PDE1C: variants seen among roughly 807,000 people sequenced by gnomAD.
PDE1C encodes the protein phosphodiesterase 1C, also known as dual specificity calcium/calmodulin-dependent 3',5'-cyclic nucleotide phosphodiesterase 1C.
PDE1C carries 62 observed loss-of-function variants against 93.1 expected under a neutral mutation model. The ratio of observed to expected loss-of-function variants is 0.67; its 90% CI spans 0.54 to 0.82. PDE1C has a LOEUF of 0.82. Ranked by LOEUF, PDE1C falls within the 40% of genes least tolerant of loss-of-function variation. The pLI, the probability that PDE1C is intolerant of heterozygous loss-of-function variation, is 0.00. For missense variants in PDE1C, 742 were observed against 884.6 expected, an observed-to-expected ratio of 0.84 and a Z score of 2.04; for synonymous variants, 325 against 310.1, an observed-to-expected ratio of 1.05 and a Z score of -0.50.
rs540717053 is a variant in PDE1C, at chr7:31,866,467, C to T, written c.610-1385G>A. 4.6e-5 allele frequency among the ~76,000 whole-genome samples: 7 copies of T among 152,202 alleles called. No homozygotes were observed. In the South Asian group the frequency reaches 1.5e-3, roughly 32 times the overall value. On this transcript the variant is annotated intron_variant, in intron 6 of 17. Transcript: ENST00000396191. ...AGGAACTTTGTTCCAAGGAAAGTCT[C>T]CAGCATCCTCTCCAGCATCCACAAG...
chr7:31,993,210 C>T (rs1428600806), intron 2 of PDE1C, among the ~76,000 whole-genome samples: 4 of 152,166 alleles, frequency 2.6e-5, no homozygotes, highest in African/African-American at 7.2e-5. Context: ...CTGTGACTTT[C>T]CTCCCTATTT....
chr7:31,964,125 A>G (rs758708319), intron 2 of PDE1C, among the ~76,000 whole-genome samples: 10 of 152,254 alleles, frequency 6.6e-5, no homozygotes, highest in Non-Finnish European at 1.2e-4. Flanking sequence ...CAGTGGGTGC[A>G]GCGCACCGTG....
At chr7:32,105,801 C>A (rs1174773585) in intron 3 of PDE1C, among the ~76,000 whole-genome samples, 1 of 151,082 alleles carries the variant, frequency 6.6e-6, no homozygotes, top group Non-Finnish European at 1.5e-5. Context: ...GCTGGGATTA[C>A]AGGCGTAAGC....
chr7:32,085,408 A>G (rs376094765), intron 3 of PDE1C, among the ~76,000 whole-genome samples: 12 of 145,862 alleles, frequency 8.2e-5, no homozygotes, highest in Admixed American at 2.7e-4. Context: ...ATTCACAGCC[A>G]AATTCTACCA....
chr7:32,154,305 A>G (rs966977865), intron 3 of PDE1C, among the ~76,000 whole-genome samples: 1 of 152,152 alleles, frequency 6.6e-6, no homozygotes, highest in African/African-American at 2.4e-5. Flanking sequence ...ATAAATAAGT[A>G]TAATTAATGG....
intron 2 of PDE1C, among the ~76,000 whole-genome samples, chr7:32,177,564 T>G (rs1803098146): frequency 6.6e-6 from 1 of 152,118 alleles, no homozygotes. Context: ...CCACCGCCCT[T>G]ATAGAGCTTT....
chr7:31,859,400 G>GTA (rs1794410905), intron 7 of PDE1C, among the ~76,000 whole-genome samples: 1 of 147,616 alleles, frequency 6.8e-6, no homozygotes, highest in Non-Finnish European at 1.5e-5. Context: ...TACAGTAATG[G>GTA]CACAATATCC....
At chr7:32,091,138 T>C (rs970372429) in intron 3 of PDE1C, among the ~76,000 whole-genome samples, 2 of 152,230 alleles carry the variant, frequency 1.3e-5, no homozygotes, top group Non-Finnish European at 2.9e-5. Context: ...GCTTATTGAA[T>C]ACTCCTTGAA....
chr7:31,628,527 A>G, the PDE1C span, among the ~76,000 whole-genome samples: 6 of 149,130 alleles, frequency 4.0e-5, no homozygotes, highest in Non-Finnish European at 8.9e-5. Context: ...GCGCGACCTC[A>G]GCTCACTGCA....
At chr7:31,851,472 A>G (rs543170535) in intron 7 of PDE1C, among the ~76,000 whole-genome samples, 1 of 152,322 alleles carries the variant, frequency 6.6e-6, no homozygotes, top group South Asian at 2.1e-4. Context: ...CTAGAGTTTG[A>G]AAACTACTGC....
chr7:31,654,977 C>T, the PDE1C span, among the ~76,000 whole-genome samples: 3 of 152,138 alleles, frequency 2.0e-5, no homozygotes, highest in African/African-American at 4.8e-5. Context: ...TTAACATTCT[C>T]AGAGCGTGGA....
intron 1 of PDE1C, among the ~76,000 whole-genome samples, chr7:32,395,651 TAC>T (rs1034487200): frequency 3.9e-5 from 6 of 152,132 alleles, no homozygotes; most frequent in African/African-American, 1.4e-4. Flanking sequence ...GGCTATAAAT[TAC>T]AGAGAAAAAA....
chr7:32,389,406 G>A (rs1253428131), intron 1 of PDE1C, among the ~76,000 whole-genome samples: 1 of 152,188 alleles, frequency 6.6e-6, no homozygotes, highest in Non-Finnish European at 1.5e-5. Context: ...TAGTAGAGAC[G>A]GGGTTTCACC....
At chr7:32,167,999 A>G (rs1802411485) in intron 3 of PDE1C, among the ~76,000 whole-genome samples, 1 of 152,190 alleles carries the variant, frequency 6.6e-6, no homozygotes, top group Non-Finnish European at 1.5e-5. Context: ...GCAGAAGAGA[A>G]TATTTACCAT....
chr7:31,677,040 A>G, the PDE1C span, among the ~76,000 whole-genome samples: 1 of 152,188 alleles, frequency 6.6e-6, no homozygotes, highest in Non-Finnish European at 1.5e-5. Context: ...GTCTATATAT[A>G]AATTTGAAAA....
chr7:32,155,603 T>C (rs537481105), intron 3 of PDE1C, among the ~76,000 whole-genome samples: 1 of 152,298 alleles, frequency 6.6e-6, no homozygotes, highest in East Asian at 1.9e-4. Flanking sequence ...GAGCTCACAG[T>C]GCACCTTCCA....
chr7:32,360,427 CA>C, intron 1 of PDE1C, among the ~76,000 whole-genome samples: 1 of 152,262 alleles, frequency 6.6e-6, no homozygotes, highest in South Asian at 2.1e-4. Context: ...TCCTTTGCCT[CA>C]AGGCAGAGGT....
chr7:31,903,213 T>C (rs1800195966), intron 2 of PDE1C, among the ~76,000 whole-genome samples: 1 of 151,846 alleles, frequency 6.6e-6, no homozygotes, highest in Admixed American at 6.6e-5. Flanking sequence ...TGAAAGAAAA[T>C]TAAAAATTTT....
chr7:32,003,092 C>T (rs900909638), intron 2 of PDE1C, among the ~76,000 whole-genome samples: 1 of 152,192 alleles, frequency 6.6e-6, no homozygotes, highest in Admixed American at 6.5e-5. Context: ...TAAGCCTGCA[C>T]ATTTGAGTAA....
Sources: gnomAD v4.1 joint callset for allele counts (sites outside exome capture counted in the v4.1 genomes callset) on GRCh38, gnomAD v4.1.1 for gene constraint, MANE v1.5 for transcripts, NCBI Gene and HGNC (gene_info 2026-07-23, HGNC 2026-07-21) for gene names.